EZH2: variants seen among roughly 807,000 people sequenced by gnomAD.
EZH2 encodes histone-lysine N-methyltransferase EZH2.
EZH2 carries 18 observed loss-of-function variants against 98.4 expected under a neutral mutation model. The ratio of observed to expected loss-of-function variants is 0.18; its 90% CI spans 0.13 to 0.27. The LOEUF is 0.27. Among genes scored for constraint, EZH2 ranks in the 10% least tolerant of loss-of-function variants. EZH2 has a pLI of 1.00. For missense variants in EZH2, 470 were observed against 935.1 expected, an observed-to-expected ratio of 0.50 and a Z score of 6.49; for synonymous variants, 338 against 312.3, an observed-to-expected ratio of 1.08 and a Z score of -0.87.
chr7:148,828,034 CGT>C (rs1554498227), intron 6 of EZH2, among the ~76,000 whole-genome samples: 3 of 152,206 alleles, frequency 2.0e-5, no homozygotes. Context: ...AGGAGAATGG[CGT>C]GAACCCAGGA....
At chr7:148,873,663 A>T (rs1190799400) in intron 1 of EZH2, among the ~76,000 whole-genome samples, 1 of 149,674 alleles carries the variant, frequency 6.7e-6, no homozygotes, top group Admixed American at 6.7e-5. Context: ...AATCAATATC[A>T]TAACAGCAGC....
At chr7:148,845,002 A>G (rs1273159407) in intron 3 of EZH2, among the ~76,000 whole-genome samples, 1 of 152,206 alleles carries the variant, frequency 6.6e-6, no homozygotes, top group African/African-American at 2.4e-5. Flanking sequence ...ATGAAGATTA[A>G]AAGAGGTAAT....
intron 1 of EZH2, among the ~76,000 whole-genome samples, chr7:148,858,338 A>T (rs968427869): frequency 1.3e-5 from 2 of 151,298 alleles, no homozygotes; most frequent in Non-Finnish European, 3.0e-5. Flanking sequence ...TATTATTATT[A>T]TTTTTATTAT....
chr7:148,809,705 A>AAC (rs1802502078), intron 17 of EZH2, among the ~76,000 whole-genome samples: 1 of 152,218 alleles, frequency 6.6e-6, no homozygotes, highest in Non-Finnish European at 1.5e-5. Flanking sequence ...AAACATCACG[A>AAC]ATAGGCATTT....
At chr7:148,850,737 C>G (rs1815521301) in intron 1 of EZH2, among the ~76,000 whole-genome samples, 1 of 152,106 alleles carries the variant, frequency 6.6e-6, no homozygotes. Flanking sequence ...CAGTAGTCCC[C>G]ACTTATCTCC....
In EZH2 at chr7:148,810,458, A is replaced by G. The variant is rs747262343; in HGVS notation, c.1948-44T>C. ...GAGAAAATTCTTTTGGATAAAGGTG[A>G]TCAAGCCTGACAGAACACACAAAAG... On this transcript the variant is annotated intron_variant, in intron 16 of 19. Coordinates refer to ENST00000320356, the MANE Select transcript of EZH2 (RefSeq NM_004456.5). 3 of 1,380,184 alleles carry G rather than the reference A, an allele frequency of 2.2e-6. No homozygotes were observed. In the African/African-American group the frequency reaches 4.3e-5, roughly 20 times the overall value. The allele number at this position is 1,380,184 out of a possible 1,614,324, so 85.5% of individuals were successfully genotyped here.
chr7:148,840,737 G>A (rs1812220077), intron 3 of EZH2, among the ~76,000 whole-genome samples: 1 of 152,140 alleles, frequency 6.6e-6, no homozygotes, highest in Non-Finnish European at 1.5e-5. Flanking sequence ...TCTGCTAAGA[G>A]AAGGTAAGAC....
chr7:148,838,362 C>A (rs1028586954), intron 3 of EZH2, among the ~76,000 whole-genome samples: 1 of 152,154 alleles, frequency 6.6e-6, no homozygotes, highest in African/African-American at 2.4e-5. Flanking sequence ...GAATCACAAA[C>A]ATGCAAACCT....
At chr7:148,818,938 CTTCA>C in intron 9 of EZH2, 1 of 425,324 alleles carries the variant, frequency 2.4e-6, no homozygotes, top group East Asian at 7.1e-5. Flanking sequence ...CAGTTTTATA[CTTCA>C]TTCTACAAAA....
At chr7:148,881,462 C>G (rs763188595) in intron 1 of EZH2, among the ~76,000 whole-genome samples, 8 of 152,148 alleles carry the variant, frequency 5.3e-5, no homozygotes, top group African/African-American at 9.7e-5. Context: ...ACTAGATCAA[C>G]AAGTGTGTTT....
At chr7:148,810,560 C>T (rs778072371) in intron 16 of EZH2, 146 bp from the exon 17 acceptor site, 55 of 537,992 alleles carry the variant, frequency 1.0e-4, no homozygotes, top group Middle Eastern at 4.9e-4. Context: ...CTTTCCCATT[C>T]GGTCTGCGCA....
chr7:148,859,950 C>T (rs1000892041), intron 1 of EZH2, among the ~76,000 whole-genome samples: 1 of 151,980 alleles, frequency 6.6e-6, no homozygotes, highest in Non-Finnish European at 1.5e-5. Flanking sequence ...AAGTTAACAC[C>T]ATTTTATAAA....
At chr7:148,838,102 C>A in intron 3 of EZH2, among the ~76,000 whole-genome samples, 1 of 121,014 alleles carries the variant, frequency 8.3e-6, no homozygotes, top group Non-Finnish European at 1.6e-5. Flanking sequence ...GGGTCTAGCT[C>A]TTGTTGCCAA....
chr7:148,866,424 A>G (rs1159201499), intron 1 of EZH2, among the ~76,000 whole-genome samples: 1 of 151,586 alleles, frequency 6.6e-6, no homozygotes, highest in Non-Finnish European at 1.5e-5. Context: ...AAGAGGACAC[A>G]GTAAGAAAGC....
Position 148,815,495 on chromosome 7 carries a change from A to AAG in EZH2, c.1546+9_1546+10dup. The AAG allele has an allele frequency of 6.2e-7, 1 of 1,612,746 alleles. No homozygotes were observed. The highest frequency in any genetic ancestry group is 8.5e-7 in the Non-Finnish European group (1 of 1,178,666). ...TTAAGCTAATAATGAGAGGAATGGA[A>AAG]AGATGCTAACCCTTTTTCAGCTGTA... On this transcript the variant is annotated intron_variant, in intron 13 of 19. Transcript: ENST00000320356.
chr7:148,880,184 T>G (rs1398264247), intron 1 of EZH2, among the ~76,000 whole-genome samples: 1 of 152,256 alleles, frequency 6.6e-6, no homozygotes, highest in Non-Finnish European at 1.5e-5. Context: ...TGGCAAGATA[T>G]GGAATGGTGC....
Position 148,818,195 on chromosome 7 carries a change from A to T in EZH2, c.1000-78T>A, listed in dbSNP as rs146901559. On this transcript the variant is annotated intron_variant, in intron 9 of 19. Transcript: ENST00000320356. Reference sequence around the variant, plus strand: ...TGGAAGAGAAAAAAAAATACTATATAAGCCAGGTTAGTCAAAAAATGTATC... The same window carrying T: ...TGGAAGAGAAAAAAAAATACTATATTAGCCAGGTTAGTCAAAAAATGTATC... 967 of 1,429,556 alleles carry T rather than the reference A, an allele frequency of 6.8e-4. 7 individuals are homozygous for T. In the African/African-American group the frequency reaches 0.012, roughly 18 times the overall value. The allele number at this position is 1,429,556 out of a possible 1,614,324, so 88.6% of individuals were successfully genotyped here.
rs1278594653 is a variant in EZH2, at chr7:148,884,281, G to C, written c.-125C>G. ...ACCGGGTGTCGGACGCGACCGGACCGAGCGCCAAACGCGGCAGCCCAATCG... is the reference window on the plus strand; with the variant it reads ...ACCGGGTGTCGGACGCGACCGGACCCAGCGCCAAACGCGGCAGCCCAATCG... On this transcript the variant is annotated 5_prime_UTR_variant, in exon 1 of 20. Transcript: ENST00000320356. 5.4e-6 allele frequency: 1 copy of C among 184,650 alleles called. No individual in the cohort carries two copies. Among genetic ancestry groups the C allele is most frequent in the African/African-American group, 2.4e-5 (1 of 42,482 alleles). The allele number at this position is 184,650 out of a possible 1,614,324, so 11.4% of individuals were successfully genotyped here. A position where few individuals can be genotyped will look rare whatever the true frequency, so the allele number is the denominator to read the frequency against.
At chr7:148,854,198 C>A (rs564667990) in intron 1 of EZH2, among the ~76,000 whole-genome samples, 17 of 152,344 alleles carry the variant, frequency 1.1e-4, no homozygotes, top group Non-Finnish European at 1.3e-4. Context: ...ATAATCCCAG[C>A]ACTTTGGGAG....
Sources: gnomAD v4.1 joint callset for allele counts (sites outside exome capture counted in the v4.1 genomes callset) on GRCh38, gnomAD v4.1.1 for gene constraint, MANE v1.5 for transcripts, NCBI Gene and HGNC (gene_info 2026-07-23, HGNC 2026-07-21) for gene names.